CNTN2: variants seen among roughly 807,000 people sequenced by gnomAD.
The protein encoded by CNTN2 is contactin-2.
A neutral mutation model predicts 117.5 loss-of-function variants in CNTN2; 53 were observed. That is an observed-to-expected ratio of 0.45 (90% CI 0.36 to 0.57). The LOEUF is 0.57. Ranked by LOEUF, CNTN2 falls within the 20% of genes least tolerant of loss-of-function variation. The pLI, the probability that CNTN2 is intolerant of heterozygous loss-of-function variation, is 0.00. For missense variants in CNTN2, 1,106 were observed against 1,404.3 expected (o/e 0.79, Z 3.39); for synonymous variants, 530 against 561.7 (o/e 0.94, Z 0.80).
intron 19 of CNTN2, chr1:205,070,786 A>G: frequency 3.5e-6 from 1 of 289,360 alleles, no homozygotes. Context: ...TCCTGAGATC[A>G]GGAGTTTGAG....
chr1:205,070,362 G>T, intron 18 of CNTN2, 64 bp from the exon 19 acceptor site: 1 of 1,167,972 alleles, frequency 8.6e-7, no homozygotes, highest in Non-Finnish European at 1.2e-6. Context: ...ATCCTGGTTG[G>T]GGGCTGCTCT....
At position 205,058,225 on chromosome 1, in the gene CNTN2, G is replaced by A. The variant is rs758394749; in HGVS notation, c.260G>A (p.Arg87His). 1.6e-5 allele frequency: 25 copies of A among 1,571,502 alleles called. No homozygotes were observed. The highest frequency in any genetic ancestry group is 1.8e-5 in the Admixed American group (1 of 54,826). ...GAGATGAAGCTGGAGCCAGGTTCCC[G>A]TCACCAGCTGGTGGGGGGCAACCTG... ...GTEMKLEPGS[R>H]HQLVGGNLVI... The change falls in exon 4 of 23, where the codon CGT (arginine) becomes CAT (histidine). Residue 87 changes from arginine to histidine, a missense_variant. Physicochemically the swap from Arg to His is conservative, Grantham distance 29. Coordinates refer to ENST00000331830, the MANE Select transcript of CNTN2 (RefSeq NM_005076.5). The surrounding 1 kb of genome is among the most constrained non-coding windows in gnomAD (Gnocchi z 4.3).
intron 11 of CNTN2, 51 bp downstream of exon 11, chr1:205,064,523 T>C (rs1654172042): frequency 2.1e-5 from 34 of 1,593,798 alleles, no homozygotes; most frequent in Non-Finnish European, 2.8e-5. Context: ...TCATTCTCCA[T>C]GGAGGCCAAT....
At chr1:205,070,405 C>T in intron 18 of CNTN2, 21 bp from the exon 19 acceptor site, 1 of 1,561,542 alleles carries the variant, frequency 6.4e-7, no homozygotes, top group Non-Finnish European at 8.8e-7. Flanking sequence ...GAATCCAAAC[C>T]CATTCTGTAT....
rs753005399 is a variant in CNTN2, at chr1:205,061,911, T to C, written c.1020T>C (p.Ile340=). 6.3e-7 allele frequency: 1 copy of C among 1,593,436 alleles called. No homozygotes were observed. Among genetic ancestry groups the C allele is most frequent in the Non-Finnish European group, 8.6e-7 (1 of 1,169,000 alleles). Residue 340 remains isoleucine (I), a synonymous_variant, in exon 9 of 23, where the codon ATT becomes ATC. Transcript: ENST00000331830. The surrounding 1 kb of genome is among the most constrained non-coding windows in gnomAD (Gnocchi z 4.8). ...TGATCTCGGACACAGAGGCTGACAT[T>C]GGCTCCAACCTGCGTTGGGGCTGTG... The part of the protein sequence containing the change: ...LKVISDTEAD[I]GSNLRWGCAA...
intron 16 of CNTN2, chr1:205,067,906 C>A (rs1336959441): frequency 1.8e-5 from 2 of 113,358 alleles, no homozygotes; most frequent in Non-Finnish European, 3.2e-5. Flanking sequence ...CCATCCTGGG[C>A]GACAGAGCGA....
chr1:205,058,236 G>C lies in CNTN2; in HGVS notation c.271G>C (p.Val91Leu). ...GGAGCCAGGTTCCCGTCACCAGCTGGTGGGGGGCAACCTGGTCATCATGAA... is the reference window on the plus strand; with the variant it reads ...GGAGCCAGGTTCCCGTCACCAGCTGCTGGGGGGCAACCTGGTCATCATGAA... ...KLEPGSRHQL[V>L]GGNLVIMNPT... The change falls in exon 4 of 23, where the codon GTG (valine) becomes CTG (leucine). Residue 91 changes from valine to leucine, a missense_variant. By Grantham distance (32) the Val-to-Leu change is conservative (BLOSUM62 1). Coordinates refer to ENST00000331830, the MANE Select transcript of CNTN2 (RefSeq NM_005076.5). This position sits in a 1 kb window ranked among gnomAD's most constrained non-coding sequence, Gnocchi z 4.3. 6.4e-7 allele frequency: 1 copy of C among 1,564,986 alleles called. No homozygotes were observed. The highest frequency in any genetic ancestry group is 8.6e-7 in the Non-Finnish European group (1 of 1,156,396).
chr1:205,056,190 G>T lies in CNTN2; in HGVS notation c.71-1731G>T, dbSNP rs1653598744. Among the ~76,000 whole-genome samples the T allele has an allele frequency of 2.0e-5, 3 of 152,120 alleles. No homozygotes were observed. In the South Asian group the frequency reaches 6.2e-4, roughly 31 times the overall value. ...GTCTGAATGTATCAACATGCCCTGA[G>T]CCCACTCAGCCACCCCATCACCCAG... On this transcript the variant is annotated intron_variant, in intron 2 of 22. Coordinates refer to ENST00000331830, the MANE Select transcript of CNTN2 (RefSeq NM_005076.5).
In CNTN2 at chr1:205,076,231, T is replaced by C. The variant is rs1338627290; in HGVS notation, c.*2466T>C. 6.6e-6 allele frequency: 1 copy of C among 152,164 alleles called. No individual in the cohort carries two copies. Among genetic ancestry groups the C allele is most frequent in the African/African-American group, 2.4e-5 (1 of 41,428 alleles). The allele number at this position is 152,164 out of a possible 1,614,324, so 9.4% of individuals were successfully genotyped here. A position where few individuals can be genotyped will look rare whatever the true frequency, so the allele number is the denominator to read the frequency against. The stretch of plus-strand genomic sequence containing the variant: ...GGGCAGGCAGAATTTGTTTGAGGGA[T>C]AGAACGACAACAAAATAAATGTTCC... On this transcript the variant is annotated 3_prime_UTR_variant, in exon 23 of 23. Coordinates refer to ENST00000331830, the MANE Select transcript of CNTN2 (RefSeq NM_005076.5).
intron 19 of CNTN2, 50 bp from the exon 20 acceptor site, chr1:205,071,897 T>G: frequency 3.7e-5 from 56 of 1,531,454 alleles, no homozygotes; most frequent in Non-Finnish European, 4.2e-5. Flanking sequence ...GGGGCAGCCC[T>G]GAGATCCTGG....
rs1653955975 is a variant in CNTN2, at chr1:205,061,140, C to T, written c.798-105C>T. 6.3e-6 allele frequency: 8 copies of T among 1,276,080 alleles called. No individual in the cohort carries two copies. Among genetic ancestry groups the T allele is most frequent in the South Asian group, 1.5e-5 (1 of 67,622 alleles). The allele number at this position is 1,276,080 out of a possible 1,614,324, so 79.0% of individuals were successfully genotyped here. A position where few individuals can be genotyped will look rare whatever the true frequency, so the allele number is the denominator to read the frequency against. On this transcript the variant is annotated intron_variant, in intron 7 of 22. Transcript: ENST00000331830. This position sits in a 1 kb window ranked among gnomAD's most constrained non-coding sequence, Gnocchi z 4.8. ...CCTCTCTCCCTCTGTTCCTCCCAGG[C>T]CCAGCATCTCAGGAGGGCCTGAGAG...
In CNTN2 at chr1:205,065,821, C is replaced by T. The variant is rs766092588; in HGVS notation, c.1728C>T (p.Asn576=). Residue 576 remains asparagine, a synonymous_variant, in exon 14 of 23, where the codon AAC becomes AAT. Coordinates refer to ENST00000331830, the MANE Select transcript of CNTN2 (RefSeq NM_005076.5). The surrounding 1 kb of genome is among the most constrained non-coding windows in gnomAD (Gnocchi z 4.1). ...KETIGDLTIL[N]AQLRHGGKYT... Reference sequence around the variant, plus strand: ...CCATTGGGGATCTGACCATCCTGAACGCCCAGCTGCGCCATGGGGGGAAGT... The same window carrying T: ...CCATTGGGGATCTGACCATCCTGAATGCCCAGCTGCGCCATGGGGGGAAGT... The T allele has an allele frequency of 3.7e-5, 58 of 1,586,404 alleles. No homozygotes were observed. Among genetic ancestry groups the T allele is most frequent in the Non-Finnish European group, 4.5e-5 (52 of 1,160,880 alleles).
At chr1:205,052,115 A>T (rs2096453951) in intron 1 of CNTN2, among the ~76,000 whole-genome samples, 1 of 152,242 alleles carries the variant, frequency 6.6e-6, no homozygotes, top group South Asian at 2.1e-4. Flanking sequence ...CAAAGAGGGC[A>T]GGCAGAGCAG....
In CNTN2 at chr1:205,049,514, C is replaced by G. The variant is rs115167413; in HGVS notation, c.-86-3586C>G. Among the ~76,000 whole-genome samples the G allele has an allele frequency of 5.5e-3, 833 of 152,252 alleles. 7 individuals are homozygous for G. Among genetic ancestry groups the G allele is most frequent in the Middle Eastern group, 0.031 (9 of 294 alleles). ...GACGCGCACACACACCCAGCTGTCA[C>G]CAACACTGCTGTGGGAGCTAGGGAC... On this transcript the variant is annotated intron_variant, in intron 1 of 22. Coordinates refer to ENST00000331830, the MANE Select transcript of CNTN2 (RefSeq NM_005076.5).
rs2151190660 is a variant in CNTN2 at position 205,059,710 on chromosome 1, A to G, written c.797+28A>G. On this transcript the variant is annotated intron_variant, in intron 7 of 22. Coordinates refer to ENST00000331830, the MANE Select transcript of CNTN2 (RefSeq NM_005076.5). The surrounding 1 kb of genome is among the most constrained non-coding windows in gnomAD (Gnocchi z 5.6). ...GAGTGTGAAGAGGGAGGGGAAGCAG[A>G]GCACGGTCTCTCGGGGGCACAGGTG... 6.2e-7 allele frequency: 1 copy of G among 1,600,548 alleles called. No individual in the cohort carries two copies. Among genetic ancestry groups the G allele is most frequent in the Non-Finnish European group, 8.6e-7 (1 of 1,167,916 alleles).
intron 17 of CNTN2, 32 bp from the exon 18 acceptor site, chr1:205,069,795 A>T: frequency 3.1e-6 from 5 of 1,597,124 alleles, no homozygotes; most frequent in Non-Finnish European, 4.3e-6. Flanking sequence ...CATGCCGCGG[A>T]CCCTCGCCCA....
intron 2 of CNTN2, among the ~76,000 whole-genome samples, chr1:205,053,751 C>T (rs1487449872): frequency 6.6e-6 from 1 of 152,238 alleles, no homozygotes; most frequent in South Asian, 2.1e-4. Context: ...TTCTCCCAGA[C>T]AGGGCTCTGT....
intron 2 of CNTN2, among the ~76,000 whole-genome samples, chr1:205,056,252 A>C (rs1381606636): frequency 6.6e-6 from 1 of 152,194 alleles, no homozygotes; most frequent in East Asian, 1.9e-4. Flanking sequence ...GGTGGTTCCC[A>C]GCAGTCCGGC....
At position 205,076,322 on chromosome 1, in the gene CNTN2, ATGCAAGCT is replaced by A. The variant is rs1231857671; in HGVS notation, c.*2560_*2567del. ...ATAAGACAATAGGTGACCTGAGGACATGCAAGCTTGTAAAATGCAACAGCCTCCTGCTA... is the reference window on the plus strand; with the variant it reads ...ATAAGACAATAGGTGACCTGAGGACATGTAAAATGCAACAGCCTCCTGCTA... On this transcript the variant is annotated 3_prime_UTR_variant, in exon 23 of 23. Transcript: ENST00000331830. 2.0e-5 allele frequency: 3 copies of A among 152,226 alleles called. No homozygotes were observed. The highest frequency in any genetic ancestry group is 7.2e-5 in the African/African-American group (3 of 41,462). 9.4% of individuals were successfully genotyped at this position (152,226 alleles called of 1,614,324 possible).
Sources: allele counts gnomAD v4.1 joint callset (sites outside exome capture counted in the v4.1 genomes callset), GRCh38; gene constraint gnomAD v4.1.1; non-coding constraint Gnocchi (gnomAD v3.1); transcripts MANE v1.5; gene names NCBI Gene and HGNC (gene_info 2026-07-23, HGNC 2026-07-21).